The following SLC24A2 variants were observed in gnomAD, a reference collection of about 807,000 sequenced individuals.
SLC24A2 encodes sodium/potassium/calcium exchanger 2.
A neutral mutation model predicts 62.0 loss-of-function variants in SLC24A2; 36 were observed. The ratio of observed to expected loss-of-function variants is 0.58; its 90% CI spans 0.44 to 0.77. The LOEUF is 0.77. SLC24A2 is among the 30% of genes least tolerant of loss of function. SLC24A2 has a pLI of 0.00. For synonymous variants in SLC24A2, 358 were observed against 294.0 expected (o/e 1.22, Z -2.23); for missense variants, 846 against 817.9 (o/e 1.03, Z -0.42).
chr9:20,271,765 G>T, the SLC24A2 span, among the ~76,000 whole-genome samples: 2 of 151,976 alleles, frequency 1.3e-5, no homozygotes, highest in Admixed American at 1.3e-4. Context: ...ATTAAAGAAA[G>T]GTTTGAATGA....
chr9:19,756,903 C>CTTTTTTTTTTTTTTTTT lies in SLC24A2; in HGVS notation c.930+29017_930+29033dup, dbSNP rs780450451. On this transcript the variant is annotated intron_variant, in intron 2 of 10. Coordinates refer to ENST00000341998, the MANE Select transcript of SLC24A2 (RefSeq NM_020344.4). ...GATATTCACACTTCTTTTACTGAAGCTTTTTTTTTTTTTTTTTTTTTTTAG... is the reference window on the plus strand; with the variant it reads ...GATATTCACACTTCTTTTACTGAAGCTTTTTTTTTTTTTTTTTTTTTTTTTTTTTTTTTTTTTTTTAG... Among the ~76,000 whole-genome samples the CTTTTTTTTTTTTTTTTT allele has an allele frequency of 3.8e-5, 3 of 78,536 alleles. 1 individual carries two copies. The highest frequency in any genetic ancestry group is 6.7e-5 in the Non-Finnish European group (3 of 44,496). The allele number at this position is 78,536 out of a possible 152,430, so 51.5% of individuals were successfully genotyped here. A position where few individuals can be genotyped will look rare whatever the true frequency, so the allele number is the denominator to read the frequency against.
chr9:19,713,346 A>G (rs554202261), intron 2 of SLC24A2, among the ~76,000 whole-genome samples: 1 of 152,288 alleles, frequency 6.6e-6, no homozygotes, highest in African/African-American at 2.4e-5. Flanking sequence ...AGCTATTAAA[A>G]TCTGTATTGG....
the SLC24A2 span, among the ~76,000 whole-genome samples, chr9:20,137,861 A>C: frequency 6.6e-6 from 1 of 152,350 alleles, no homozygotes; most frequent in Admixed American, 6.5e-5. Flanking sequence ...TTCAGAAAAC[A>C]TATCTCACTC....
the SLC24A2 span, among the ~76,000 whole-genome samples, chr9:20,206,771 G>A: frequency 3.3e-5 from 5 of 151,904 alleles, no homozygotes; most frequent in African/African-American, 7.2e-5. Context: ...GAGCCACTTC[G>A]CCTGGCCGCT....
At chr9:19,976,917 G>T in the SLC24A2 span, among the ~76,000 whole-genome samples, 1 of 152,086 alleles carries the variant, frequency 6.6e-6, no homozygotes, top group African/African-American at 2.4e-5. Context: ...AACAATAAAT[G>T]TTTGTGAAAA....
At chr9:20,258,520 C>T in the SLC24A2 span, among the ~76,000 whole-genome samples, 3 of 152,184 alleles carry the variant, frequency 2.0e-5, no homozygotes, top group African/African-American at 7.2e-5. Flanking sequence ...TTCCTGCTGT[C>T]TCTTCTGGAA....
At chr9:19,725,523 C>T (rs1247539784) in intron 2 of SLC24A2, among the ~76,000 whole-genome samples, 1 of 152,008 alleles carries the variant, frequency 6.6e-6, no homozygotes, top group Non-Finnish European at 1.5e-5. Flanking sequence ...GGTAAACTGT[C>T]TTCATAATAA....
At chr9:20,144,245 T>C in the SLC24A2 span, among the ~76,000 whole-genome samples, 1 of 152,236 alleles carries the variant, frequency 6.6e-6, no homozygotes. Flanking sequence ...AGCTAGCACA[T>C]GTCAAAGCTT....
At chr9:20,304,708 C>T in the SLC24A2 span, among the ~76,000 whole-genome samples, 1 of 152,196 alleles carries the variant, frequency 6.6e-6, no homozygotes, top group Non-Finnish European at 1.5e-5. Flanking sequence ...TCCAGGAACA[C>T]AATCCTTATA....
At chr9:19,922,445 T>G in the SLC24A2 span, among the ~76,000 whole-genome samples, 1 of 152,242 alleles carries the variant, frequency 6.6e-6, no homozygotes, top group African/African-American at 2.4e-5. Flanking sequence ...AATTTTTTCA[T>G]GCCCAGCATG....
the SLC24A2 span, among the ~76,000 whole-genome samples, chr9:19,852,456 T>C: frequency 6.6e-6 from 1 of 152,228 alleles, no homozygotes; most frequent in Non-Finnish European, 1.5e-5. Flanking sequence ...CTTTCGGGTT[T>C]TATATTTATG....
chr9:19,947,828 G>GAAAGAAAGAA, the SLC24A2 span, among the ~76,000 whole-genome samples: 1 of 141,658 alleles, frequency 7.1e-6, no homozygotes, highest in Middle Eastern at 3.7e-3. Context: ...AAGAAAGAAA[G>GAAAGAAAGAA]AAAGAAAGAA....
chr9:19,894,496 A>G, the SLC24A2 span, among the ~76,000 whole-genome samples: 1 of 152,164 alleles, frequency 6.6e-6, no homozygotes, highest in African/African-American at 2.4e-5. Context: ...GAATTGATGA[A>G]ACGGCCAATT....
chr9:19,625,071 A>G (rs1412157706), intron 2 of SLC24A2, among the ~76,000 whole-genome samples: 1 of 152,206 alleles, frequency 6.6e-6, no homozygotes. Flanking sequence ...AGGCCATTAA[A>G]TACATGGCAA....
At chr9:19,714,413 G>T (rs1587203855) in intron 2 of SLC24A2, among the ~76,000 whole-genome samples, 3 of 152,028 alleles carry the variant, frequency 2.0e-5, no homozygotes, top group Admixed American at 6.6e-5. Flanking sequence ...CCCTTTCAGG[G>T]TTATCTTGAT....
chr9:19,818,992 A>C, the SLC24A2 span, among the ~76,000 whole-genome samples: 1 of 152,126 alleles, frequency 6.6e-6, no homozygotes, highest in African/African-American at 2.4e-5. Context: ...GCTGGTATCA[A>C]AATAGGCACA....
the SLC24A2 span, among the ~76,000 whole-genome samples, chr9:20,050,240 C>CGAAAA: frequency 3.5e-3 from 209 of 59,524 alleles, 1 homozygote; most frequent in African/African-American, 8.1e-3. Context: ...CCCGTCTCTA[C>CGAAAA]AAAAAAAAAA....
At chr9:19,699,200 CA>C (rs1199293489) in intron 2 of SLC24A2, among the ~76,000 whole-genome samples, 1 of 152,108 alleles carries the variant, frequency 6.6e-6, no homozygotes, top group Non-Finnish European at 1.5e-5. Context: ...AGCATATAAA[CA>C]AACGTGGAAC....
At chr9:19,904,946 C>G in the SLC24A2 span, among the ~76,000 whole-genome samples, 1 of 152,068 alleles carries the variant, frequency 6.6e-6, no homozygotes, top group Non-Finnish European at 1.5e-5. Context: ...AAGAATTAAT[C>G]TTAGAGGAAG....
Sources: gnomAD v4.1 joint callset for allele counts (sites outside exome capture counted in the v4.1 genomes callset) on GRCh38, gnomAD v4.1.1 for gene constraint, MANE v1.5 for transcripts, NCBI Gene and HGNC (gene_info 2026-07-23, HGNC 2026-07-21) for gene names.